TMEFF2: variants seen among roughly 807,000 people sequenced by gnomAD.
The protein encoded by TMEFF2 is transmembrane protein with EGF like and two follistatin like domains 2, also known as tomoregulin-2.
TMEFF2 carries 28 observed loss-of-function variants against 53.8 expected under a neutral mutation model. The observed-to-expected ratio is 0.52, with a 90% CI of 0.39 to 0.71. The LOEUF is 0.71. Among genes scored for constraint, TMEFF2 ranks in the 30% least tolerant of loss-of-function variants. TMEFF2 has a pLI of 0.00. For synonymous variants in TMEFF2, 162 were observed against 166.3 expected, an observed-to-expected ratio of 0.97 and a Z score of 0.20; for missense variants, 353 against 455.2, an observed-to-expected ratio of 0.78 and a Z score of 2.04.
intron 4 of TMEFF2, among the ~76,000 whole-genome samples, chr2:192,093,696 C>T (rs1559123237): frequency 6.6e-6 from 1 of 152,004 alleles, no homozygotes; most frequent in Non-Finnish European, 1.5e-5. Context: ...TAGACCCCGG[C>T]CCAATCAGAC....
chr2:192,051,181 C>G (rs1687761450), intron 5 of TMEFF2, among the ~76,000 whole-genome samples: 1 of 147,626 alleles, frequency 6.8e-6, no homozygotes, highest in Non-Finnish European at 1.5e-5. Context: ...TGCACACATT[C>G]AAAAAAAACC....
intron 4 of TMEFF2, among the ~76,000 whole-genome samples, chr2:192,130,500 G>A (rs1039989406): frequency 2.6e-5 from 4 of 152,010 alleles, no homozygotes; most frequent in East Asian, 1.9e-4. Context: ...GCCCTGCCCC[G>A]CCTTGACTGA....
intron 4 of TMEFF2, among the ~76,000 whole-genome samples, chr2:192,069,984 GTGTGTATATATATATATA>G: frequency 1.5e-4 from 1 of 6,850 alleles, no homozygotes; most frequent in Non-Finnish European, 3.0e-4. Flanking sequence ...GTGTGTGTGT[GTGTGTATATATATATATA>G]TATATATATA....
intron 4 of TMEFF2, among the ~76,000 whole-genome samples, chr2:192,081,521 A>C (rs1041466196): frequency 1.1e-4 from 16 of 152,202 alleles, no homozygotes; most frequent in African/African-American, 3.9e-4. Flanking sequence ...AACTGTGCTA[A>C]AATATGCTTT....
rs181731169 is a variant in TMEFF2 at position 191,953,563 on chromosome 2, A to T, written c.1028+116T>A. 85 of 1,145,228 alleles carry T rather than the reference A, an allele frequency of 7.4e-5. 1 individual carries two copies. In the African/African-American group the frequency reaches 1.2e-3, roughly 17 times the overall value. 70.9% of individuals were successfully genotyped at this position (1,145,228 alleles called of 1,614,324 possible). On this transcript the variant is annotated intron_variant, in intron 9 of 9. Coordinates refer to ENST00000272771, the MANE Select transcript of TMEFF2 (RefSeq NM_016192.4). ...CTCTTATGCTAAGGACATAGGACTC[A>T]TAGAGAATGGATGGCTGCAGAGTCC...
chr2:192,006,251 T>A (rs141350296), intron 5 of TMEFF2, among the ~76,000 whole-genome samples: 1 of 152,010 alleles, frequency 6.6e-6, no homozygotes, highest in Non-Finnish European at 1.5e-5. Flanking sequence ...ATGCAAAACA[T>A]AGAAGTTGGC....
chr2:192,072,389 CA>C (rs1435606022), intron 4 of TMEFF2, among the ~76,000 whole-genome samples: 1 of 151,792 alleles, frequency 6.6e-6, no homozygotes, highest in Non-Finnish European at 1.5e-5. Flanking sequence ...CACTTTGATA[CA>C]AAGATCAGAT....
intron 4 of TMEFF2, among the ~76,000 whole-genome samples, chr2:192,159,294 A>G (rs937513434): frequency 6.6e-5 from 10 of 152,144 alleles, no homozygotes; most frequent in African/African-American, 2.4e-4. Flanking sequence ...AGGCCGAAGG[A>G]TAGCATCAGG....
At chr2:192,164,485 T>A (rs1168601642) in intron 4 of TMEFF2, among the ~76,000 whole-genome samples, 1 of 152,084 alleles carries the variant, frequency 6.6e-6, no homozygotes, top group African/African-American at 2.4e-5. Context: ...ATCCCAGCAC[T>A]TTGGGAGGCT....
intron 4 of TMEFF2, among the ~76,000 whole-genome samples, chr2:192,125,918 C>G (rs1438602844): frequency 6.6e-6 from 1 of 152,136 alleles, no homozygotes; most frequent in Non-Finnish European, 1.5e-5. Flanking sequence ...GCTAATGATG[C>G]TGGGCTTAAC....
chr2:192,153,556 A>G (rs1690437294), intron 4 of TMEFF2, among the ~76,000 whole-genome samples: 1 of 151,860 alleles, frequency 6.6e-6, no homozygotes, highest in African/African-American at 2.4e-5. Context: ...GCTGATCATC[A>G]AATATTTTGC....
In TMEFF2 at chr2:192,030,953, C is replaced by T. The variant is rs551168803; in HGVS notation, c.536+26726G>A. Among the ~76,000 whole-genome samples, 9 of 152,200 alleles carry T rather than the reference C, an allele frequency of 5.9e-5. 1 individual carries two copies. In the South Asian group the frequency reaches 1.9e-3, roughly 32 times the overall value. The stretch of plus-strand genomic sequence containing the variant: ...GGGGAGTTGATGGGTTAAATTGGGA[C>T]ATACAGAGTCAAGAAACAGATACCT... On this transcript the variant is annotated intron_variant, in intron 5 of 9. Coordinates refer to ENST00000272771, the MANE Select transcript of TMEFF2 (RefSeq NM_016192.4).
At chr2:192,125,476 T>C (rs1230818046) in intron 4 of TMEFF2, among the ~76,000 whole-genome samples, 1 of 152,192 alleles carries the variant, frequency 6.6e-6, no homozygotes, top group Non-Finnish European at 1.5e-5. Context: ...AGATTGATTT[T>C]TAAGATCATC....
intron 7 of TMEFF2, among the ~76,000 whole-genome samples, chr2:191,973,537 G>A (rs1374996640): frequency 6.6e-6 from 1 of 151,976 alleles, no homozygotes; most frequent in Admixed American, 6.6e-5. Context: ...GATAAAGTAG[G>A]AGCTTGAGGT....
chr2:191,984,375 T>C (rs1462716631), intron 7 of TMEFF2, among the ~76,000 whole-genome samples: 1 of 152,094 alleles, frequency 6.6e-6, no homozygotes, highest in East Asian at 1.9e-4. Flanking sequence ...AGTAACTACA[T>C]TGGTGACTTC....
intron 4 of TMEFF2, among the ~76,000 whole-genome samples, chr2:192,110,845 C>T (rs1224196897): frequency 1.3e-5 from 2 of 152,072 alleles, no homozygotes; most frequent in African/African-American, 4.8e-5. Flanking sequence ...TGGGAGATAA[C>T]TGAATCATGG....
intron 4 of TMEFF2, among the ~76,000 whole-genome samples, chr2:192,060,611 TCA>T (rs1401922080): frequency 6.6e-6 from 1 of 152,142 alleles, no homozygotes; most frequent in African/African-American, 2.4e-5. Context: ...TTAGTAAAGG[TCA>T]CAGTCACAAA....
chr2:192,014,500 T>A (rs893546331), intron 5 of TMEFF2, among the ~76,000 whole-genome samples: 1 of 152,204 alleles, frequency 6.6e-6, no homozygotes, highest in Non-Finnish European at 1.5e-5. Flanking sequence ...GTACCAATCT[T>A]TGTTGTTAGT....
At chr2:192,075,304 T>TAAATATATATATATATAAATAA (rs1553518793) in intron 4 of TMEFF2, among the ~76,000 whole-genome samples, 1 of 17,276 alleles carries the variant, frequency 5.8e-5, no homozygotes, top group African/African-American at 9.9e-5. Context: ...TATATATATA[T>TAAATATATATATATATAAATAA]ATATATATAT....
Sources: gnomAD v4.1 joint callset for allele counts (sites outside exome capture counted in the v4.1 genomes callset) on GRCh38, gnomAD v4.1.1 for gene constraint, MANE v1.5 for transcripts, NCBI Gene and HGNC (gene_info 2026-07-23, HGNC 2026-07-21) for gene names.